Variants in BMPER observed in about 807,000 individuals in gnomAD.
The protein encoded by BMPER is BMP binding endothelial regulator.
In BMPER, 45 loss-of-function variants were observed where a neutral mutation model predicts 87.3. The observed-to-expected ratio is 0.52, with a 90% CI of 0.41 to 0.66. The LOEUF is 0.66. Among genes scored for constraint, BMPER ranks in the 30% least tolerant of loss-of-function variants. The pLI is 0.00. For missense variants in BMPER, 784 were observed against 867.5 expected (o/e 0.90, Z 1.21); for synonymous variants, 326 against 316.2 (o/e 1.03, Z -0.33).
At chr7:33,905,419 G>GCCCCCCCCCC, upstream of BMPER, 5 of 110,388 alleles carry the variant, frequency 4.5e-5, no homozygotes, top group South Asian at 1.8e-4. Flanking sequence ...CTCCCCGGGC[G>GCCCCCCCCCC]CCCCCACACC....
chr7:34,152,663 G>GT (rs995452137), intron 14 of BMPER, among the ~76,000 whole-genome samples: 1 of 151,944 alleles, frequency 6.6e-6, no homozygotes. Flanking sequence ...TCCTTGGTAG[G>GT]TTTTTTCTCT....
At chr7:33,945,938 A>G (rs1369760502) in intron 3 of BMPER, among the ~76,000 whole-genome samples, 1 of 152,114 alleles carries the variant, frequency 6.6e-6, no homozygotes, top group Non-Finnish European at 1.5e-5. Flanking sequence ...GACACAGAGA[A>G]GTACCATCTG....
At chr7:34,142,178 C>G (rs1349339694) in intron 13 of BMPER, among the ~76,000 whole-genome samples, 1 of 152,122 alleles carries the variant, frequency 6.6e-6, no homozygotes, top group Non-Finnish European at 1.5e-5. Context: ...TAAATGTTAA[C>G]TGGAAACTGT....
At chr7:34,041,791 A>C (rs73329146) in intron 6 of BMPER, among the ~76,000 whole-genome samples, 3,156 of 152,244 alleles carry the variant, frequency 0.021, 82 homozygotes, top group African/African-American at 0.065. Context: ...AAAAAAATAG[A>C]GAACTCTATT....
chr7:33,997,786 C>T (rs964071726), intron 6 of BMPER, among the ~76,000 whole-genome samples: 1 of 152,124 alleles, frequency 6.6e-6, no homozygotes, highest in Non-Finnish European at 1.5e-5. Flanking sequence ...AAGACTCTTC[C>T]CCAGATGCCC....
intron 14 of BMPER, among the ~76,000 whole-genome samples, chr7:34,145,177 A>C (rs1790984456): frequency 6.6e-6 from 1 of 152,220 alleles, no homozygotes; most frequent in African/African-American, 2.4e-5. Flanking sequence ...GAAACCCCTG[A>C]GTTAGTTTGT....
At position 33,970,328 on chromosome 7, in the gene BMPER, G is replaced by T; in HGVS notation, c.403-1G>T. On this transcript the variant is annotated splice_acceptor_variant, in intron 4 of 14. Transcript: ENST00000649409. LOFTEE classifies it high-confidence loss of function. ...TTTGCTTGTTTTGTTCTGTGTTTCA[G>T]GAGGGCGTTGTCACAGAGTCTGGGG... 6.2e-7 allele frequency: 1 copy of T among 1,613,634 alleles called. No homozygotes were observed. The highest frequency in any genetic ancestry group is 1.1e-5 in the South Asian group (1 of 91,074).
At chr7:34,101,461 A>G (rs547249985) in intron 13 of BMPER, among the ~76,000 whole-genome samples, 4 of 152,354 alleles carry the variant, frequency 2.6e-5, no homozygotes, top group African/African-American at 9.6e-5. Flanking sequence ...AGAATTTTTA[A>G]ATAATCACTG....
intron 6 of BMPER, among the ~76,000 whole-genome samples, chr7:34,015,713 A>G (rs1787003515): frequency 6.6e-6 from 1 of 151,916 alleles, no homozygotes; most frequent in African/African-American, 2.4e-5. Context: ...TTCTGTCCAG[A>G]AAGGACATCT....
At chr7:33,968,542 T>C (rs1419467768) in intron 4 of BMPER, among the ~76,000 whole-genome samples, 2 of 152,240 alleles carry the variant, frequency 1.3e-5, no homozygotes, top group African/African-American at 2.4e-5. Context: ...ATATGGATTC[T>C]GCCACTCACA....
intron 6 of BMPER, among the ~76,000 whole-genome samples, chr7:34,017,687 A>G (rs550387185): frequency 1.3e-5 from 2 of 152,016 alleles, no homozygotes; most frequent in Admixed American, 1.3e-4. Context: ...TTTAACACAC[A>G]CATTACTGAG....
rs78377166 is a variant in BMPER at position 33,967,801 on chromosome 7, A to G, written c.402+1240A>G. 2.9e-3 allele frequency among the ~76,000 whole-genome samples: 443 copies of G among 152,318 alleles called. 11 individuals carry two copies. In the East Asian group the frequency reaches 0.058, roughly 20 times the overall value. On this transcript the variant is annotated intron_variant, in intron 4 of 14. Transcript: ENST00000649409. Reference sequence around the variant, plus strand: ...GTAGAGCACTCAGAAAACCAAAGCCATGGTTACAATGCTAAACAAGACAAT... The same window carrying G: ...GTAGAGCACTCAGAAAACCAAAGCCGTGGTTACAATGCTAAACAAGACAAT...
chr7:33,956,201 G>A (rs985028310), intron 3 of BMPER, among the ~76,000 whole-genome samples: 1 of 152,022 alleles, frequency 6.6e-6, no homozygotes, highest in Non-Finnish European at 1.5e-5. Flanking sequence ...GACACCAAAA[G>A]CACTGTTCAT....
intron 13 of BMPER, among the ~76,000 whole-genome samples, chr7:34,132,466 C>A (rs964560957): frequency 6.6e-6 from 1 of 152,134 alleles, no homozygotes; most frequent in Non-Finnish European, 1.5e-5. Context: ...GCCTCCGGAT[C>A]GAAGCCAGGT....
chr7:34,057,827 G>T lies in BMPER; in HGVS notation c.928-232G>T, dbSNP rs535391983. On this transcript the variant is annotated intron_variant, in intron 9 of 14. Coordinates refer to ENST00000649409, the MANE Select transcript of BMPER (RefSeq NM_001365308.1). The stretch of plus-strand genomic sequence containing the variant: ...CAATAATTATTTTTATATCCAGGAG[G>T]GGGAACACACACACACACACACACA... Among the ~76,000 whole-genome samples the T allele has an allele frequency of 3.5e-3, 471 of 135,130 alleles. 2 individuals carry two copies. The highest frequency in any genetic ancestry group is 0.013 in the African/African-American group (439 of 33,156). The allele number at this position is 135,130 out of a possible 152,430, so 88.7% of individuals were successfully genotyped here. A position where few individuals can be genotyped will look rare whatever the true frequency, so the allele number is the denominator to read the frequency against.
At chr7:33,962,451 C>A (rs893256969) in intron 3 of BMPER, among the ~76,000 whole-genome samples, 1 of 152,066 alleles carries the variant, frequency 6.6e-6, no homozygotes, top group Non-Finnish European at 1.5e-5. Context: ...TCAGCCTTGG[C>A]GCAATGAAAA....
At chr7:33,994,602 C>A (rs1253060724) in intron 6 of BMPER, among the ~76,000 whole-genome samples, 1 of 152,182 alleles carries the variant, frequency 6.6e-6, no homozygotes, top group Non-Finnish European at 1.5e-5. Flanking sequence ...ACGCTGGGAG[C>A]TGTAGACCGG....
At chr7:34,123,540 A>G (rs1479997258) in intron 13 of BMPER, among the ~76,000 whole-genome samples, 3 of 152,192 alleles carry the variant, frequency 2.0e-5, no homozygotes, top group Admixed American at 2.0e-4. Context: ...AATCTCCCTG[A>G]TGATTCTAAA....
At chr7:34,064,303 T>A (rs201608117) in intron 11 of BMPER, among the ~76,000 whole-genome samples, 4 of 130,712 alleles carry the variant, frequency 3.1e-5, no homozygotes, top group African/African-American at 5.6e-5. Context: ...AAAAAAAAAA[T>A]TACCAATCTT....
Sources: gnomAD v4.1 joint callset for allele counts (sites outside exome capture counted in the v4.1 genomes callset) on GRCh38, gnomAD v4.1.1 for gene constraint, MANE v1.5 for transcripts, NCBI Gene and HGNC (gene_info 2026-07-23, HGNC 2026-07-21) for gene names.